Variants in WDR1 observed in about 807,000 individuals in gnomAD.
WDR1 encodes WD repeat-containing protein 1.
Under a neutral mutation model 71.9 loss-of-function variants are expected in WDR1, and 21 were observed. The observed-to-expected ratio is 0.29, with a 90% CI of 0.21 to 0.42. The LOEUF (loss-of-function observed/expected upper bound fraction) is 0.42. Among genes scored for constraint, WDR1 ranks in the 10% least tolerant of loss-of-function variants. The pLI is 1.00. For synonymous variants in WDR1, 424 were observed against 347.4 expected (o/e 1.22, Z -2.45); for missense variants, 696 against 824.5 (o/e 0.84, Z 1.91).
chr4:10,087,882 T>C lies in WDR1; in HGVS notation c.776A>G (p.Lys259Arg), dbSNP rs754924158. The C allele has an allele frequency of 8.3e-6, 13 of 1,564,530 alleles. 1 individual carries two copies. Among genetic ancestry groups the C allele is most frequent in the East Asian group, 7.1e-5 (3 of 42,292 alleles). ...LLSASGDKTS[K>R]IWDVSVNSVV... ...GGAGTTCACGCTGACGTCCCAAATC[T>C]TGGAAGTTTTGTCCCCAGAAGCAGA... The change falls in exon 8 of 15, where the codon AAG becomes AGG. Residue 259 changes from lysine to arginine, a missense_variant. Coordinates refer to ENST00000499869, the MANE Select transcript of WDR1 (RefSeq NM_017491.5).
chr4:10,107,684 C>A (rs1290503774), intron 2 of WDR1, among the ~76,000 whole-genome samples: 2 of 152,230 alleles, frequency 1.3e-5, no homozygotes, highest in South Asian at 2.1e-4. Flanking sequence ...AGAGCTGGGG[C>A]TGGGATAAGA....
At chr4:10,104,267 T>C (rs1712890953) in intron 2 of WDR1, among the ~76,000 whole-genome samples, 1 of 152,208 alleles carries the variant, frequency 6.6e-6, no homozygotes, top group Non-Finnish European at 1.5e-5. Flanking sequence ...CTTTCCATAA[T>C]ACAGAACAAA....
intron 3 of WDR1, among the ~76,000 whole-genome samples, chr4:10,100,596 G>A (rs990781169): frequency 1.3e-5 from 2 of 152,218 alleles, no homozygotes; most frequent in African/African-American, 4.8e-5. Flanking sequence ...TGCGGGGACA[G>A]GCAAGAGGTG....
chr4:10,107,243 C>G (rs1309307119), intron 2 of WDR1, among the ~76,000 whole-genome samples: 1 of 152,206 alleles, frequency 6.6e-6, no homozygotes, highest in African/African-American at 2.4e-5. Flanking sequence ...TGGGCCAGCT[C>G]TGGCAGTGGG....
chr4:10,096,586 C>G (rs1331103039), intron 5 of WDR1: 2 of 23,692 alleles, frequency 8.4e-5, no homozygotes, highest in Non-Finnish European at 1.6e-4. Flanking sequence ...CTTGGAAAGC[C>G]CCCTCCTGTA....
At chr4:10,113,192 C>T (rs144599271) in intron 2 of WDR1, among the ~76,000 whole-genome samples, 33 of 152,232 alleles carry the variant, frequency 2.2e-4, no homozygotes, top group African/African-American at 7.9e-4. Flanking sequence ...AACCCCGTTA[C>T]CTACTAAAAA....
chr4:10,110,349 C>G (rs555622308), intron 2 of WDR1, among the ~76,000 whole-genome samples: 2 of 152,324 alleles, frequency 1.3e-5, no homozygotes, highest in South Asian at 4.1e-4. Flanking sequence ...TCTCCAACTA[C>G]TCTTGGGCAA....
At position 10,077,319 on chromosome 4, in the gene WDR1, T is replaced by C; in HGVS notation, c.1699A>G (p.Arg567Gly). Residue 567 changes from arginine (R) to glycine (G), a missense_variant, in exon 14 of 15, where the codon AGA becomes GGA. Coordinates refer to ENST00000499869, the MANE Select transcript of WDR1 (RefSeq NM_017491.5). ...CGGAAGTCACCTTGGATCTTGACTC[T>C]GGTTTCCGGGTCACTCAGGGTCCAA... Reference protein sequence around the residue: ...YVWTLSDPETRVKIQDAHRLH... With the variant: ...YVWTLSDPETGVKIQDAHRLH... 6.2e-7 allele frequency: 1 copy of C among 1,614,022 alleles called. No individual in the cohort carries two copies. Among genetic ancestry groups the C allele is most frequent in the Non-Finnish European group, 8.5e-7 (1 of 1,179,858 alleles).
chr4:10,093,785 T>C (rs1322288219), intron 5 of WDR1, among the ~76,000 whole-genome samples: 2 of 147,164 alleles, frequency 1.4e-5, no homozygotes, highest in Non-Finnish European at 3.1e-5. Context: ...GAGGCGGTCC[T>C]GCATGCCCAT....
intron 3 of WDR1, among the ~76,000 whole-genome samples, chr4:10,103,025 G>A (rs576798249): frequency 2.6e-5 from 4 of 152,224 alleles, no homozygotes; most frequent in South Asian, 4.1e-4. Context: ...TCCCATCTGT[G>A]TACAGGAAAA....
chr4:10,081,926 C>T (rs779960135), intron 10 of WDR1, among the ~76,000 whole-genome samples: 1 of 152,196 alleles, frequency 6.6e-6, no homozygotes, highest in African/African-American at 2.4e-5. Flanking sequence ...TCTAGAAAGA[C>T]TCATACACAC....
At chr4:10,099,913 G>T (rs1211416221) in intron 3 of WDR1, among the ~76,000 whole-genome samples, 1 of 152,208 alleles carries the variant, frequency 6.6e-6, no homozygotes. Flanking sequence ...GCAGCCAATT[G>T]TAACAGAAGC....
At chr4:10,116,344 C>T (rs1412493374) in intron 1 of WDR1, 110 bp from the exon 2 acceptor site, 30 of 1,473,706 alleles carry the variant, frequency 2.0e-5, no homozygotes, top group Non-Finnish European at 2.6e-5. Flanking sequence ...TTGACTGCGC[C>T]GGGAGGGCGG....
At chr4:10,080,195 A>G (rs890090103) in intron 11 of WDR1, among the ~76,000 whole-genome samples, 2 of 152,166 alleles carry the variant, frequency 1.3e-5, no homozygotes, top group African/African-American at 4.8e-5. Context: ...ACATCCTCTC[A>G]GCCTCAGGGG....
chr4:10,084,614 G>C, intron 8 of WDR1, 84 bp from the exon 9 acceptor site: 1 of 1,284,558 alleles, frequency 7.8e-7, no homozygotes, highest in Non-Finnish European at 1.1e-6. Context: ...CGAAGCTTCT[G>C]GGTAATGGAG....
Position 10,099,071 on chromosome 4 carries a change from G to A in WDR1, c.298C>T (p.Pro100Ser), listed in dbSNP as rs760248096. Residue 100 changes from proline (P) to serine (S), a missense_variant, in exon 4 of 15, where the codon CCT (proline) becomes TCT (serine). By Grantham distance (74) the Pro-to-Ser change is moderately conservative. Coordinates refer to ENST00000499869, the MANE Select transcript of WDR1 (RefSeq NM_017491.5). The stretch of plus-strand genomic sequence containing the variant: ...ATGTCTTTGATCTTCCCAGCGAAAG[G>A]CTGGTACTCATACTTCAACAGGTGC... ...KEHLLKYEYQPFAGKIKDIAW... is the reference protein window; with the variant it reads ...KEHLLKYEYQSFAGKIKDIAW... The A allele has an allele frequency of 1.9e-6, 3 of 1,613,838 alleles. No homozygotes were observed. Among genetic ancestry groups the A allele is most frequent in the Non-Finnish European group, 2.5e-6 (3 of 1,179,856 alleles).
intron 6 of WDR1, 56 bp from the exon 7 acceptor site, chr4:10,088,429 G>C: frequency 4.0e-6 from 6 of 1,487,082 alleles, no homozygotes; most frequent in Non-Finnish European, 4.6e-6. Flanking sequence ...TCTGGAGTAA[G>C]CAGTTTCTCC....
At position 10,099,027 on chromosome 4, in the gene WDR1, A is replaced by G; in HGVS notation, c.342T>C (p.Ser114=). The G allele has an allele frequency of 6.2e-7, 1 of 1,613,924 alleles. No homozygotes were observed. Among genetic ancestry groups the G allele is most frequent in the Non-Finnish European group, 8.5e-7 (1 of 1,179,876 alleles). The change falls in exon 4 of 15, where the codon AGT becomes AGC. Residue 114 remains serine (S), a synonymous_variant. Transcript: ENST00000499869. ...KIKDIAWTED[S]KRIAVVGEGR... ...CTTCCCCGACCACGGCGATCCTCTT[A>G]CTGTCTTCAGTCCAAGCAATGTCTT...
At chr4:10,075,804 GTCT>G (rs764720354) in intron 14 of WDR1, 17 of 438,748 alleles carry the variant, frequency 3.9e-5, no homozygotes, top group Non-Finnish European at 5.5e-5. Flanking sequence ...AAATAACAAT[GTCT>G]TCTTATGTAT....
Sources: gnomAD v4.1 joint callset for allele counts (sites outside exome capture counted in the v4.1 genomes callset) on GRCh38, gnomAD v4.1.1 for gene constraint, MANE v1.5 for transcripts, NCBI Gene and HGNC (gene_info 2026-07-23, HGNC 2026-07-21) for gene names.